Variants in G2E3 observed in about 807,000 individuals in gnomAD.
G2E3 encodes the protein G2/M-phase specific E3 ubiquitin protein ligase, also known as G2/M phase-specific E3 ubiquitin-protein ligase.
G2E3 carries 35 observed loss-of-function variants against 92.8 expected under a neutral mutation model. The ratio of observed to expected loss-of-function variants is 0.38; its 90% CI spans 0.29 to 0.50. G2E3 has a LOEUF of 0.50. G2E3 is among the 20% of genes least tolerant of loss of function. The pLI is 0.94. For synonymous variants in G2E3, 242 were observed against 272.4 expected (o/e 0.89, Z 1.10); for missense variants, 554 against 823.8 (o/e 0.67, Z 4.01).
rs59557580 is a variant in G2E3 at position 30,563,736 on chromosome 14, T to TGTGTGTGTGA, written c.-5+4467_-5+4468insTGTGTGAGTG. On this transcript the variant is annotated intron_variant, in intron 1 of 14. Coordinates refer to ENST00000206595, the MANE Select transcript of G2E3 (RefSeq NM_017769.5). ...GTGTGTGTGTGTGTGTGTGTGTGTG[T>TGTGTGTGTGA]GTGATATAGAGTCTCACTCTGTTGC... is the stretch of plus-strand genomic sequence containing the variant. Among the ~76,000 whole-genome samples the TGTGTGTGTGA allele has an allele frequency of 1.5e-3, 218 of 142,486 alleles. 2 individuals are homozygous for TGTGTGTGTGA. The highest frequency in any genetic ancestry group is 5.5e-3 in the African/African-American group (213 of 38,604). 93.5% of individuals were successfully genotyped at this position (142,486 alleles called of 152,430 possible).
At chr14:30,582,709 T>A (rs1419012822) in intron 2 of G2E3, among the ~76,000 whole-genome samples, 1 of 152,184 alleles carries the variant, frequency 6.6e-6, no homozygotes, top group Non-Finnish European at 1.5e-5. Flanking sequence ...GGCAATTTGC[T>A]GGAGTTAATG....
rs1882331665 is a variant in G2E3, at chr14:30,616,705, T to G, written c.*171T>G. Reference sequence around the variant, plus strand: ...TATAGCCACTTAGGCTAAAAAAAGGTTTTTTTTGTTAAAGCATACTAGTCA... The same window carrying G: ...TATAGCCACTTAGGCTAAAAAAAGGGTTTTTTTGTTAAAGCATACTAGTCA... On this transcript the variant is annotated 3_prime_UTR_variant, in exon 15 of 15. Coordinates refer to ENST00000206595, the MANE Select transcript of G2E3 (RefSeq NM_017769.5). The G allele has an allele frequency of 9.2e-5, 46 of 499,560 alleles. No homozygotes were observed. In the South Asian group the frequency reaches 1.3e-3, roughly 15 times the overall value. The allele number at this position is 499,560 out of a possible 1,614,324, so 30.9% of individuals were successfully genotyped here. A position where few individuals can be genotyped will look rare whatever the true frequency, so the allele number is the denominator to read the frequency against.
chr14:30,611,970 A>G (rs997342955), intron 12 of G2E3: 1 of 345,936 alleles, frequency 2.9e-6, no homozygotes, highest in Non-Finnish European at 5.3e-6. Context: ...TTCCTTTTTT[A>G]TAAATAGTTT....
chr14:30,581,327 A>T (rs1880419165), intron 2 of G2E3, among the ~76,000 whole-genome samples: 1 of 152,036 alleles, frequency 6.6e-6, no homozygotes. Context: ...TGTATATAAG[A>T]TATGGTTCGT....
intron 1 of G2E3, among the ~76,000 whole-genome samples, chr14:30,563,736 T>TGTGTGTGTGTGA (rs59557580): frequency 2.5e-4 from 36 of 142,504 alleles, no homozygotes; most frequent in African/African-American, 8.5e-4. Flanking sequence ...TGTGTGTGTG[T>TGTGTGTGTGTGA]GTGATATAGA....
chr14:30,615,570 A>G (rs1270409668), intron 14 of G2E3, 31 bp downstream of exon 14: 2 of 1,313,088 alleles, frequency 1.5e-6, no homozygotes, highest in Non-Finnish European at 2.1e-6. Flanking sequence ...ACTTTTAACG[A>G]TCTCAGAATA....
intron 13 of G2E3, among the ~76,000 whole-genome samples, chr14:30,613,741 G>A (rs1372211781): frequency 6.6e-6 from 1 of 150,786 alleles, no homozygotes; most frequent in Non-Finnish European, 1.5e-5. Context: ...GATACATTAT[G>A]AGTGTGTCCT....
intron 2 of G2E3, among the ~76,000 whole-genome samples, chr14:30,582,234 CATT>C (rs1247244299): frequency 2.6e-5 from 4 of 152,136 alleles, no homozygotes; most frequent in African/African-American, 9.7e-5. Flanking sequence ...AACTTTACTT[CATT>C]ATTGTAATAG....
At position 30,573,734 on chromosome 14, in the gene G2E3, C is replaced by T. The variant is rs566511030; in HGVS notation, c.-4-7342C>T. The T allele has an allele frequency of 7.0e-4, 106 of 152,188 alleles. 1 individual carries two copies. The highest frequency in any genetic ancestry group is 2.5e-3 in the African/African-American group (102 of 41,510). 9.4% of individuals were successfully genotyped at this position (152,188 alleles called of 1,614,324 possible). On this transcript the variant is annotated intron_variant, in intron 1 of 14. Transcript: ENST00000206595. ...TCTGCCTTCTGGTTTTATTCAGGCC[C>T]TCAGTGGACTAGCTAATGTCTACCC...
Position 30,616,628 on chromosome 14 carries a change from CTAGT to C in G2E3, c.*98_*101del, listed in dbSNP as rs1353221200. On this transcript the variant is annotated 3_prime_UTR_variant, in exon 15 of 15. Coordinates refer to ENST00000206595, the MANE Select transcript of G2E3 (RefSeq NM_017769.5). ...CCTTTTCATCATCACTTTGAACAAA[CTAGT>C]TAGCTTCTTGACCTAATAAAATTTA... The C allele has an allele frequency of 1.1e-5, 10 of 881,174 alleles. No individual in the cohort carries two copies. Among genetic ancestry groups the C allele is most frequent in the Non-Finnish European group, 1.6e-5 (9 of 562,168 alleles). 54.6% of individuals were successfully genotyped at this position (881,174 alleles called of 1,614,324 possible). A position where few individuals can be genotyped will look rare whatever the true frequency, so the allele number is the denominator to read the frequency against.
intron 1 of G2E3, among the ~76,000 whole-genome samples, chr14:30,577,223 C>CAAAAAAAAA (rs59757142): frequency 2.0e-4 from 16 of 80,674 alleles, no homozygotes; most frequent in African/African-American, 3.4e-4. Flanking sequence ...GACTCTGTCT[C>CAAAAAAAAA]AAAAAAAAAA....
intron 1 of G2E3, among the ~76,000 whole-genome samples, chr14:30,570,577 A>G (rs1879699152): frequency 6.6e-6 from 1 of 151,870 alleles, no homozygotes; most frequent in Non-Finnish European, 1.5e-5. Context: ...ACCTGTCTTC[A>G]AGTTCGCTGA....
At chr14:30,573,659 A>G (rs1485593354) in intron 1 of G2E3, 1 of 152,126 alleles carries the variant, frequency 6.6e-6, no homozygotes, top group Non-Finnish European at 1.5e-5. Context: ...CACCAAGGAC[A>G]GAAGATTGAT....
intron 1 of G2E3, among the ~76,000 whole-genome samples, chr14:30,575,941 G>A (rs1880059510): frequency 6.6e-6 from 1 of 152,112 alleles, no homozygotes; most frequent in South Asian, 2.1e-4. Context: ...TGGCTATTGT[G>A]CCCAAAACAA....
At chr14:30,612,099 C>A (rs1389004792) in intron 12 of G2E3, 108 bp from the exon 13 acceptor site, 4 of 698,434 alleles carry the variant, frequency 5.7e-6, no homozygotes, top group Admixed American at 2.6e-5. Flanking sequence ...TTTTACTGCA[C>A]CCATATGTAC....
In G2E3 at chr14:30,614,111, T is replaced by C. The variant is rs541215160; in HGVS notation, c.1674-1238T>C. Among the ~76,000 whole-genome samples the C allele has an allele frequency of 5.3e-5, 8 of 152,298 alleles. No individual in the cohort carries two copies. In the South Asian group the frequency reaches 1.4e-3, roughly 28 times the overall value. On this transcript the variant is annotated intron_variant, in intron 13 of 14. Transcript: ENST00000206595. ...GTATAATAAGAATATATTGAAAGTA[T>C]ATACAAAGAAGTATAGGTTTCATCC...
chr14:30,596,113 G>T (rs1393607727), intron 6 of G2E3, among the ~76,000 whole-genome samples: 5 of 133,888 alleles, frequency 3.7e-5, no homozygotes, highest in African/African-American at 1.4e-4. Flanking sequence ...CCCTTATATG[G>T]GTGGGTGGGT....
rs192606442 is a variant in G2E3, at chr14:30,570,281, T to G, written c.-4-10795T>G. Among the ~76,000 whole-genome samples, 13 of 152,330 alleles carry G rather than the reference T, an allele frequency of 8.5e-5. No homozygotes were observed. In the East Asian group the frequency reaches 2.5e-3, roughly 29 times the overall value. ...TTTGTTTTTGTCAGTTTGACTATAC[T>G]GTGTCTCAATGTGGATCTCCTAGAA... On this transcript the variant is annotated intron_variant, in intron 1 of 14. Coordinates refer to ENST00000206595, the MANE Select transcript of G2E3 (RefSeq NM_017769.5).
intron 7 of G2E3, among the ~76,000 whole-genome samples, chr14:30,597,890 T>C (rs1204193845): frequency 3.3e-5 from 5 of 152,216 alleles, no homozygotes; most frequent in Admixed American, 1.3e-4. Context: ...GAAATAATGA[T>C]AGTGAACTTA....
Sources: allele counts gnomAD v4.1 joint callset (sites outside exome capture counted in the v4.1 genomes callset), GRCh38; gene constraint gnomAD v4.1.1; transcripts MANE v1.5; gene names NCBI Gene and HGNC (gene_info 2026-07-23, HGNC 2026-07-21).